Variants in ARL3 observed in about 807,000 individuals in gnomAD.
The protein encoded by ARL3 is ADP-ribosylation factor-like protein 3.
A neutral mutation model predicts 26.0 loss-of-function variants in ARL3; 9 were observed. That is an observed-to-expected ratio of 0.35 (90% confidence interval 0.21 to 0.60). The LOEUF (loss-of-function observed/expected upper bound fraction) is 0.60, where lower values mean the gene tolerates loss of function less well. Ranked by LOEUF, ARL3 falls within the 20% of genes least tolerant of loss-of-function variation. The pLI, the probability that ARL3 is intolerant of heterozygous loss-of-function variation, is 0.78. For missense variants in ARL3, 158 were observed against 215.7 expected (o/e 0.73, Z 1.67); for synonymous variants, 71 against 78.4 (o/e 0.91, Z 0.50).
intron 1 of ARL3, among the ~76,000 whole-genome samples, chr10:102,710,084 G>A (rs1262648001): frequency 6.6e-6 from 1 of 152,038 alleles, no homozygotes; most frequent in Non-Finnish European, 1.5e-5. Context: ...TAATGGTGTA[G>A]AATACAGTGC....
intron 1 of ARL3, among the ~76,000 whole-genome samples, chr10:102,705,990 T>C (rs964791051): frequency 2.0e-5 from 3 of 152,124 alleles, no homozygotes; most frequent in Non-Finnish European, 2.9e-5. Flanking sequence ...TTTTAAGGTG[T>C]TATACAAAAA....
chr10:102,684,186 T>G (rs906659241), intron 5 of ARL3, among the ~76,000 whole-genome samples: 1 of 152,204 alleles, frequency 6.6e-6, no homozygotes, highest in African/African-American at 2.4e-5. Context: ...TCTCACTCTT[T>G]CACCCAGGCT....
intron 1 of ARL3, among the ~76,000 whole-genome samples, chr10:102,711,503 G>A (rs997161553): frequency 1.3e-5 from 2 of 151,944 alleles, no homozygotes; most frequent in South Asian, 4.2e-4. Flanking sequence ...TGTAATCCCG[G>A]CACTTTGGGA....
intron 4 of ARL3, among the ~76,000 whole-genome samples, chr10:102,689,601 G>A (rs995667116): frequency 6.6e-6 from 1 of 152,170 alleles, no homozygotes; most frequent in Non-Finnish European, 1.5e-5. Context: ...TGAGGCTGAG[G>A]CGGGAAGATC....
At position 102,714,295 on chromosome 10, in the gene ARL3, T is replaced by G. The variant is rs946217131; in HGVS notation, c.-20A>C. The G allele has an allele frequency of 5.6e-6, 7 of 1,240,628 alleles. No homozygotes were observed. The African/African-American group carries it at 9.1e-5, about 16-fold the overall frequency. The allele number at this position is 1,240,628 out of a possible 1,614,324, so 76.9% of individuals were successfully genotyped here. On this transcript the variant is annotated 5_prime_UTR_variant, in exon 1 of 6. Transcript: ENST00000260746. ...CACCATCCTCCCGCCGAGTCCCTCC[T>G]CCTCCTCCTCCTCCTGCTGCCTCCC...
chr10:102,711,011 A>C (rs1441625675), intron 1 of ARL3, among the ~76,000 whole-genome samples: 1 of 152,212 alleles, frequency 6.6e-6, no homozygotes, highest in Non-Finnish European at 1.5e-5. Flanking sequence ...CTAAAATTTG[A>C]ATTCTGAAAT....
chr10:102,704,204 T>G (rs1428787829), intron 2 of ARL3, among the ~76,000 whole-genome samples: 1 of 149,934 alleles, frequency 6.7e-6, no homozygotes, highest in Non-Finnish European at 1.5e-5. Context: ...TTTTAAAAAT[T>G]GATACATATT....
chr10:102,699,196 C>T (rs1375311159), intron 3 of ARL3, among the ~76,000 whole-genome samples, 177 bp downstream of exon 3: 2 of 152,288 alleles, frequency 1.3e-5, no homozygotes, highest in African/African-American at 2.4e-5. Context: ...ACATCTTATA[C>T]AAGTTATACA....
At chr10:102,709,045 T>G (rs1001896200) in intron 1 of ARL3, among the ~76,000 whole-genome samples, 1 of 151,058 alleles carries the variant, frequency 6.6e-6, no homozygotes, top group Non-Finnish European at 1.5e-5. Flanking sequence ...GCTGGGACTA[T>G]AGATGTGTAC....
At chr10:102,691,053 AG>A (rs904551886) in intron 3 of ARL3, among the ~76,000 whole-genome samples, 1 of 152,088 alleles carries the variant, frequency 6.6e-6, no homozygotes, top group African/African-American at 2.4e-5. Flanking sequence ...CTCCAAAGCA[AG>A]GGTAGGCAAA....
intron 4 of ARL3, among the ~76,000 whole-genome samples, chr10:102,687,492 A>C (rs2064194001): frequency 6.6e-6 from 1 of 151,946 alleles, no homozygotes; most frequent in Non-Finnish European, 1.5e-5. Flanking sequence ...GTTCGAGACC[A>C]GTCTGACCAA....
At chr10:102,696,017 G>A (rs1363081536) in intron 3 of ARL3, among the ~76,000 whole-genome samples, 3 of 151,898 alleles carry the variant, frequency 2.0e-5, no homozygotes, top group African/African-American at 4.8e-5. Flanking sequence ...AGGCTGGAGT[G>A]CAGTGGTGCA....
intron 5 of ARL3, among the ~76,000 whole-genome samples, chr10:102,680,299 T>C: frequency 6.6e-6 from 1 of 152,138 alleles, no homozygotes; most frequent in East Asian, 1.9e-4. Context: ...TGATCTTCAT[T>C]ATGGGGATGA....
intron 1 of ARL3, among the ~76,000 whole-genome samples, chr10:102,711,232 G>A (rs2064337110): frequency 6.6e-6 from 1 of 151,982 alleles, no homozygotes; most frequent in Non-Finnish European, 1.5e-5. Context: ...ATCTCCTCAG[G>A]AAGAGTGGGT....
intron 3 of ARL3, among the ~76,000 whole-genome samples, chr10:102,697,063 C>T (rs181680741): frequency 2.6e-5 from 4 of 152,112 alleles, no homozygotes; most frequent in Admixed American, 1.3e-4. Context: ...GTTACTGTAT[C>T]GAATACTGCA....
chr10:102,686,032 G>A (rs768923624), intron 4 of ARL3, 31 bp from the exon 5 acceptor site: 3 of 1,546,828 alleles, frequency 1.9e-6, no homozygotes, highest in Non-Finnish European at 2.7e-6. Flanking sequence ...GGGAGGGAAG[G>A]TTAAAATCTA....
At chr10:102,702,568 T>C (rs2064285861) in intron 2 of ARL3, among the ~76,000 whole-genome samples, 1 of 152,222 alleles carries the variant, frequency 6.6e-6, no homozygotes, top group Non-Finnish European at 1.5e-5. Flanking sequence ...TTTGAGTTTA[T>C]TTCTGTGTTT....
At chr10:102,704,045 G>A (rs1262690172) in intron 2 of ARL3, among the ~76,000 whole-genome samples, 1 of 150,710 alleles carries the variant, frequency 6.6e-6, no homozygotes, top group Non-Finnish European at 1.5e-5. Flanking sequence ...CAGCTACTTG[G>A]GAGGCTGAGG....
At chr10:102,698,116 T>TA (rs1336116258) in intron 3 of ARL3, among the ~76,000 whole-genome samples, 1 of 152,158 alleles carries the variant, frequency 6.6e-6, no homozygotes, top group African/African-American at 2.4e-5. Flanking sequence ...AGGATATGTT[T>TA]ATGTTGATGG....
Sources: allele counts gnomAD v4.1 joint callset (sites outside exome capture counted in the v4.1 genomes callset), GRCh38; gene constraint gnomAD v4.1.1; transcripts MANE v1.5; gene names NCBI Gene and HGNC (gene_info 2026-07-23, HGNC 2026-07-21).